IL18RAP: variants seen among roughly 807,000 people sequenced by gnomAD.
The protein encoded by IL18RAP is interleukin-18 receptor accessory protein.
In IL18RAP, 37 loss-of-function variants were observed where a neutral mutation model predicts 58.1. That is an observed-to-expected ratio of 0.64 (90% CI 0.49 to 0.84). The LOEUF is 0.84. Among genes scored for constraint, IL18RAP ranks in the 40% least tolerant of loss-of-function variants. The pLI is 0.00. For synonymous variants in IL18RAP, 268 were observed against 257.5 expected, an observed-to-expected ratio of 1.04 and a Z score of -0.39; for missense variants, 667 against 704.8, an observed-to-expected ratio of 0.95 and a Z score of 0.61.
chr2:102,445,491 A>T (rs541957799), intron 7 of IL18RAP, 151 bp downstream of exon 7: 1 of 768,430 alleles, frequency 1.3e-6, no homozygotes, highest in East Asian at 2.7e-5. Context: ...AACCCATTTA[A>T]TACCTTGACC....
At chr2:102,448,990 C>T (rs6724826) in intron 8 of IL18RAP, among the ~76,000 whole-genome samples, 9,720 of 141,214 alleles carry the variant, frequency 0.069, 431 homozygotes, top group Non-Finnish European at 0.09. Context: ...AAAAAGTGAC[C>T]GGGAGCAGTG....
At chr2:102,420,021 G>A (rs1477877256), upstream of IL18RAP, among the ~76,000 whole-genome samples, 1 of 152,202 alleles carries the variant, frequency 6.6e-6, no homozygotes, top group East Asian at 1.9e-4. Context: ...CTTCCGATTC[G>A]GTGAAGCATT....
chr2:102,423,098 T>C (rs1026604600), upstream of IL18RAP: 2 of 658,950 alleles, frequency 3.0e-6, no homozygotes, highest in Non-Finnish European at 2.7e-6. Flanking sequence ...GGGTAGGACC[T>C]GCCCTTTCAA....
chr2:102,436,771 T>C (rs1682768553), intron 3 of IL18RAP, among the ~76,000 whole-genome samples: 1 of 150,410 alleles, frequency 6.6e-6, no homozygotes, highest in Admixed American at 6.6e-5. Context: ...ATATATACAA[T>C]ATATGTTATA....
intron 3 of IL18RAP, among the ~76,000 whole-genome samples, chr2:102,428,378 A>G (rs929872866): frequency 1.3e-5 from 1 of 78,346 alleles, no homozygotes; most frequent in African/African-American, 7.4e-5. Context: ...TCCTTTTGTT[A>G]GTTTTTTTTT....
Position 102,441,387 on chromosome 2 carries a change from G to C in IL18RAP, c.796+10G>C. ...CTGGAAGTAGAACTTGGTAAGCTGGGCCTCATCGCCTTTGAATGACATCGT... is the reference window on the plus strand; with the variant it reads ...CTGGAAGTAGAACTTGGTAAGCTGGCCCTCATCGCCTTTGAATGACATCGT... On this transcript the variant is annotated intron_variant, in intron 5 of 9. Transcript: ENST00000687160. The C allele has an allele frequency of 6.2e-7, 1 of 1,609,316 alleles. No individual in the cohort carries two copies. The highest frequency in any genetic ancestry group is 8.5e-7 in the Non-Finnish European group (1 of 1,175,908).
intron 3 of IL18RAP, among the ~76,000 whole-genome samples, chr2:102,426,799 A>G (rs1681975447): frequency 1.3e-5 from 2 of 152,200 alleles, no homozygotes; most frequent in South Asian, 2.1e-4. Context: ...GAAATGTGCA[A>G]TACAATATTA....
chr2:102,429,544 T>C (rs1682197259), intron 3 of IL18RAP, among the ~76,000 whole-genome samples: 1 of 151,910 alleles, frequency 6.6e-6, no homozygotes, highest in South Asian at 2.1e-4. Context: ...TTTTTTCCTA[T>C]TGTTTTTCTA....
At chr2:102,432,560 G>A (rs1682449253) in intron 3 of IL18RAP, among the ~76,000 whole-genome samples, 1 of 152,180 alleles carries the variant, frequency 6.6e-6, no homozygotes. Flanking sequence ...GGGATGGGCA[G>A]GGGGAGAAAC....
chr2:102,426,714 G>A (rs1681967080), intron 3 of IL18RAP, among the ~76,000 whole-genome samples: 1 of 152,096 alleles, frequency 6.6e-6, no homozygotes, highest in South Asian at 2.1e-4. Flanking sequence ...ATTAACTCAA[G>A]CTAATTAACA....
At chr2:102,429,693 A>G (rs1048472861) in intron 3 of IL18RAP, among the ~76,000 whole-genome samples, 5 of 151,964 alleles carry the variant, frequency 3.3e-5, no homozygotes, top group African/African-American at 1.2e-4. Context: ...CTGTGTTTCA[A>G]TGCAGACATT....
chr2:102,427,458 A>G (rs1056360790), intron 3 of IL18RAP, among the ~76,000 whole-genome samples: 2 of 152,098 alleles, frequency 1.3e-5, no homozygotes, highest in Non-Finnish European at 2.9e-5. Flanking sequence ...TTGTATTTCT[A>G]TGATGATTAG....
upstream of IL18RAP, among the ~76,000 whole-genome samples, chr2:102,420,316 C>T (rs909322676): frequency 6.6e-6 from 1 of 152,158 alleles, no homozygotes; most frequent in African/African-American, 2.4e-5. Context: ...ATGTAGGTTC[C>T]ATTGTTCTTC....
At chr2:102,424,784 A>G (rs1681829042) in intron 3 of IL18RAP, among the ~76,000 whole-genome samples, 1 of 152,214 alleles carries the variant, frequency 6.6e-6, no homozygotes, top group Admixed American at 6.5e-5. Flanking sequence ...GACTCAACAC[A>G]TAAGTCTTGA....
rs545078596 is a variant in IL18RAP, at chr2:102,447,610, C to T, written c.1210+403C>T. On this transcript the variant is annotated intron_variant, in intron 8 of 9. Transcript: ENST00000687160. ...AGTGAATATCTCTGTGCCTTTGTTT[C>T]CTCATCTATAAAACAGGATTGTCAT... Among the ~76,000 whole-genome samples the T allele has an allele frequency of 9.2e-5, 14 of 152,186 alleles. No individual in the cohort carries two copies. In the South Asian group the frequency reaches 2.3e-3, roughly 25 times the overall value.
At position 102,423,979 on chromosome 2, in the gene IL18RAP, C is replaced by G. The variant is rs765110724; in HGVS notation, c.239C>G (p.Ser80Cys). ...HLPFMGSNDL[S>C]DVQWYQQPSN... ...CCCTTCATGGGTAGTAACGACCTAT[C>G]TGATGTCCAATGGTACCAACAACCT... Residue 80 changes from serine to cysteine, a missense_variant, in exon 2 of 10, where the codon TCT becomes TGT. Ser to Cys is a moderately radical substitution (Grantham distance 112). Coordinates refer to ENST00000687160, the MANE Select transcript of IL18RAP (RefSeq NM_001393487.1). 2 of 1,614,068 alleles carry G rather than the reference C, an allele frequency of 1.2e-6. No homozygotes were observed. Among genetic ancestry groups the G allele is most frequent in the Non-Finnish European group, 1.7e-6 (2 of 1,179,984 alleles).
At position 102,452,411 on chromosome 2, in the gene IL18RAP, A is replaced by G. The variant is rs1186602023; in HGVS notation, c.*230A>G. ...AATTCTCTAGACCTTGGGTACTTTCAGTACACAACACCCCTAAGATTTCCC... is the reference window on the plus strand; with the variant it reads ...AATTCTCTAGACCTTGGGTACTTTCGGTACACAACACCCCTAAGATTTCCC... On this transcript the variant is annotated 3_prime_UTR_variant, in exon 10 of 10. Transcript: ENST00000687160. The G allele has an allele frequency of 4.2e-6, 2 of 473,952 alleles. No homozygotes were observed. The highest frequency in any genetic ancestry group is 7.4e-6 in the Non-Finnish European group (2 of 269,334). The allele number at this position is 473,952 out of a possible 1,614,324, so 29.4% of individuals were successfully genotyped here. A position where few individuals can be genotyped will look rare whatever the true frequency, so the allele number is the denominator to read the frequency against.
chr2:102,425,031 TTTG>T (rs769299302), intron 3 of IL18RAP, among the ~76,000 whole-genome samples: 1 of 152,182 alleles, frequency 6.6e-6, no homozygotes, highest in Non-Finnish European at 1.5e-5. Context: ...TTCCATCGTG[TTTG>T]ATAGTGTTTC....
intron 3 of IL18RAP, chr2:102,434,413 G>A (rs1026920930): frequency 6.6e-6 from 1 of 152,080 alleles, no homozygotes; most frequent in African/African-American, 2.4e-5. Context: ...ATAATTTGTT[G>A]TTTTTAGTTC....
Sources: allele counts gnomAD v4.1 joint callset (sites outside exome capture counted in the v4.1 genomes callset), GRCh38; gene constraint gnomAD v4.1.1; transcripts MANE v1.5; gene names NCBI Gene and HGNC (gene_info 2026-07-23, HGNC 2026-07-21).